The following GLDC variants were observed in gnomAD, a reference collection of about 807,000 sequenced individuals.
The protein encoded by GLDC is glycine dehydrogenase (decarboxylating), mitochondrial.
GLDC carries 104 observed loss-of-function variants against 121.3 expected under a neutral mutation model. The ratio of observed to expected loss-of-function variants is 0.86; its 90% CI spans 0.73 to 1.01. The LOEUF is 1.01. Ranked by LOEUF, GLDC falls within the 50% of genes least tolerant of loss-of-function variation. GLDC has a pLI of 0.00. For missense variants in GLDC, 1,429 were observed against 1,306.6 expected (o/e 1.09, Z -1.44); for synonymous variants, 546 against 480.6 (o/e 1.14, Z -1.78).
chr9:6,538,699 C>G (rs1159592850), intron 22 of GLDC, among the ~76,000 whole-genome samples: 1 of 152,182 alleles, frequency 6.6e-6, no homozygotes, highest in Admixed American at 6.5e-5. Flanking sequence ...ACTTCAGTTA[C>G]CACCTCCCTG....
intron 11 of GLDC, among the ~76,000 whole-genome samples, chr9:6,590,699 C>T (rs1818359035): frequency 6.6e-6 from 1 of 152,150 alleles, no homozygotes; most frequent in Non-Finnish European, 1.5e-5. Context: ...TCAGGTACTC[C>T]AATGCAAATG....
intron 15 of GLDC, among the ~76,000 whole-genome samples, chr9:6,578,757 T>A (rs1276216295): frequency 6.6e-6 from 1 of 152,148 alleles, no homozygotes; most frequent in Non-Finnish European, 1.5e-5. Context: ...AGTCTTGAAC[T>A]CCTGGGATCA....
rs1232468588 is a variant in GLDC at position 6,558,670 on chromosome 9, C to T, written c.1941G>A (p.Pro647=). ...GEGHRTVCLI[P]KSAHGTNPAS... ...CTGGGTTGGTCCCATGTGCTGATTT[C>T]GGAATGAGGCAAACCTACAGAATAG... Residue 647 remains proline (P), a synonymous_variant, in exon 17 of 25, where the codon CCG becomes CCA. Transcript: ENST00000321612. The T allele has an allele frequency of 1.8e-5, 29 of 1,614,014 alleles. No homozygotes were observed. In the East Asian group the frequency reaches 4.9e-4, roughly 27 times the overall value.
intron 20 of GLDC, among the ~76,000 whole-genome samples, chr9:6,552,586 G>C (rs1251871205): frequency 1.3e-5 from 2 of 152,174 alleles, no homozygotes; most frequent in Middle Eastern, 3.2e-3. Context: ...GCTCCACAGA[G>C]TCCTCTGGAA....
At chr9:6,615,366 C>G (rs1818947656) in intron 3 of GLDC, among the ~76,000 whole-genome samples, 1 of 150,830 alleles carries the variant, frequency 6.6e-6, no homozygotes, top group Non-Finnish European at 1.5e-5. Context: ...TCTCTTGGGG[C>G]AAGTAGTTCA....
intron 5 of GLDC, chr9:6,605,828 C>T (rs532163836): frequency 1.5e-4 from 30 of 199,524 alleles, no homozygotes; most frequent in Non-Finnish European, 2.5e-4. Flanking sequence ...GATTACAGCA[C>T]GAAAGAAAAG....
chr9:6,556,017 T>C (rs1006446341), intron 18 of GLDC, 136 bp downstream of exon 18: 2 of 676,726 alleles, frequency 3.0e-6, no homozygotes, highest in Non-Finnish European at 5.2e-6. Flanking sequence ...CCATGAGAGA[T>C]CAACAACCAC....
At chr9:6,626,158 G>A (rs1167097070) in intron 2 of GLDC, among the ~76,000 whole-genome samples, 1 of 151,856 alleles carries the variant, frequency 6.6e-6, no homozygotes, top group Non-Finnish European at 1.5e-5. Flanking sequence ...TGTGATAGTA[G>A]CCCTAGCTGT....
chr9:6,639,577 C>T, intron 2 of GLDC: 1 of 752,130 alleles, frequency 1.3e-6, no homozygotes, highest in Admixed American at 1.7e-5. Context: ...GATTATGATG[C>T]TTTGGATGTT....
chr9:6,556,301 A>T lies in GLDC; in HGVS notation c.2054T>A (p.Val685Glu). The T allele has an allele frequency of 6.2e-7, 1 of 1,613,296 alleles. No individual in the cohort carries two copies. The highest frequency in any genetic ancestry group is 1.3e-5 in the African/African-American group (1 of 75,034). The part of the protein sequence containing the change: ...NIDAVHLKAM[V>E]DKHKENLAAI... The stretch of plus-strand genomic sequence containing the variant: ...TGCTAGGTTCTCCTTGTGCTTATCC[A>T]CCTGTGAAAGAAAAGGGGTAGAGAA... The change falls in exon 18 of 25, where the codon GTG becomes GAG. Residue 685 changes from valine (V) to glutamate (E), a missense_variant and splice_region_variant. Coordinates refer to ENST00000321612, the MANE Select transcript of GLDC (RefSeq NM_000170.3).
At chr9:6,625,505 A>G (rs1044344933) in intron 2 of GLDC, among the ~76,000 whole-genome samples, 4 of 152,180 alleles carry the variant, frequency 2.6e-5, no homozygotes, top group South Asian at 4.1e-4. Flanking sequence ...TGAAACCGCT[A>G]AGGTAATTCT....
chr9:6,581,369 C>G (rs1396179450), intron 15 of GLDC, among the ~76,000 whole-genome samples: 3 of 152,214 alleles, frequency 2.0e-5, no homozygotes, highest in African/African-American at 7.2e-5. Context: ...ACTTCCCTGT[C>G]TCACCTCTGT....
intron 16 of GLDC, among the ~76,000 whole-genome samples, chr9:6,559,060 C>G (rs1357557163): frequency 1.3e-5 from 2 of 152,188 alleles, no homozygotes; most frequent in African/African-American, 2.4e-5. Context: ...GCCCACATCA[C>G]AGCTTCAGTG....
At chr9:6,546,860 G>A (rs1817403104) in intron 21 of GLDC, among the ~76,000 whole-genome samples, 1 of 151,980 alleles carries the variant, frequency 6.6e-6, no homozygotes. Flanking sequence ...TACTGGGGAA[G>A]CTGAGGCAGG....
At chr9:6,608,516 G>A (rs909650434) in intron 4 of GLDC, among the ~76,000 whole-genome samples, 254 of 146,800 alleles carry the variant, frequency 1.7e-3, no homozygotes, top group African/African-American at 6.0e-3. Context: ...CGAGGCGGGC[G>A]GATCATGAGG....
intron 15 of GLDC, among the ~76,000 whole-genome samples, chr9:6,580,503 C>T (rs1818152880): frequency 6.6e-6 from 1 of 152,134 alleles, no homozygotes; most frequent in South Asian, 2.1e-4. Flanking sequence ...CTCAGCATAC[C>T]TTACCGTAAG....
At chr9:6,584,593 T>C (rs925028308) in intron 15 of GLDC, among the ~76,000 whole-genome samples, 1 of 152,224 alleles carries the variant, frequency 6.6e-6, no homozygotes, top group African/African-American at 2.4e-5. Context: ...CCTTCCTTTT[T>C]TCTGCGAATT....
intron 16 of GLDC, among the ~76,000 whole-genome samples, chr9:6,565,047 A>G (rs1160430794): frequency 2.6e-5 from 4 of 152,218 alleles, no homozygotes; most frequent in Non-Finnish European, 4.4e-5. Flanking sequence ...GGATGCTTGC[A>G]ATGGCAACAT....
rs767652664 is a variant in GLDC, at chr9:6,592,885, C to T, written c.1367G>A (p.Arg456Gln). ...CTCAAAAAGCCGAAAATTGATCTGC[C>T]GCTGAGCGGCCCTGCCCAAGACCTC... ...VKEVLGRAAQ[R>Q]QINFRLFEDG... The change falls in exon 10 of 25, where the codon CGG becomes CAG. Residue 456 changes from arginine (R) to glutamine (Q), a missense_variant. Arg to Gln is a conservative substitution (Grantham distance 43). Coordinates refer to ENST00000321612, the MANE Select transcript of GLDC (RefSeq NM_000170.3). 2.0e-5 allele frequency: 32 copies of T among 1,613,762 alleles called. No homozygotes were observed. In the East Asian group the frequency reaches 5.1e-4, roughly 26 times the overall value.
Sources: allele counts gnomAD v4.1 joint callset (sites outside exome capture counted in the v4.1 genomes callset), GRCh38; gene constraint gnomAD v4.1.1; transcripts MANE v1.5; gene names NCBI Gene and HGNC (gene_info 2026-07-23, HGNC 2026-07-21).